GABRR2: variants seen among roughly 807,000 people sequenced by gnomAD.
GABRR2 encodes the protein gamma-aminobutyric acid type A receptor subunit rho2.
In GABRR2, 36 loss-of-function variants were observed where a neutral mutation model predicts 47.0. The observed-to-expected ratio is 0.77, with a 90% CI of 0.59 to 1.01. The LOEUF is 1.01. Ranked by LOEUF, GABRR2 falls within the 50% of genes least tolerant of loss-of-function variation. GABRR2 has a pLI of 0.00. For synonymous variants in GABRR2, 204 were observed against 227.5 expected (o/e 0.90, Z 0.93); for missense variants, 587 against 594.6 (o/e 0.99, Z 0.13).
In GABRR2 at chr6:89,267,792, A is replaced by G. The variant is rs771219493; in HGVS notation, c.623T>C (p.Leu208Pro). The G allele has an allele frequency of 2.5e-6, 4 of 1,613,780 alleles. No homozygotes were observed. In the Admixed American group the frequency reaches 6.7e-5, roughly 27 times the overall value. ...SYAYTDEDLM[L>P]YWKNGDESLK... ...GGATTCATCCCCATTCTTCCAGTAC[A>G]GCATTAGATCTTCATCTGTATAGGC... Residue 208 changes from leucine (L) to proline (P), a missense_variant, in exon 6 of 9, where the codon CTG becomes CCG. Leu to Pro is a moderately conservative substitution (Grantham distance 98). Transcript: ENST00000402938.
At chr6:89,313,814 G>A (rs1287695088) in intron 1 of GABRR2, among the ~76,000 whole-genome samples, 1 of 152,194 alleles carries the variant, frequency 6.6e-6, no homozygotes, top group Non-Finnish European at 1.5e-5. Context: ...CTACTCGGGA[G>A]GCTGAGGCAG....
At chr6:89,304,597 G>GAAAAAAAAAA (rs1227062781) in intron 1 of GABRR2, among the ~76,000 whole-genome samples, 2 of 94,662 alleles carry the variant, frequency 2.1e-5, no homozygotes, top group Admixed American at 1.1e-4. Flanking sequence ...TCAAAAAAAA[G>GAAAAAAAAAA]AAAAAAAAAA....
At chr6:89,294,775 T>A (rs1001871915) in intron 2 of GABRR2, among the ~76,000 whole-genome samples, 22 of 146,690 alleles carry the variant, frequency 1.5e-4, no homozygotes, top group Admixed American at 7.4e-4. Context: ...TATCTCCTAA[T>A]GCTATCCCTC....
chr6:89,286,653 T>C (rs566999038), intron 2 of GABRR2, among the ~76,000 whole-genome samples: 130 of 151,600 alleles, frequency 8.6e-4, no homozygotes, highest in African/African-American at 3.0e-3. Context: ...TTCAGGAGCA[T>C]GGTGACCTCG....
chr6:89,269,621 C>T (rs918240057), intron 3 of GABRR2, among the ~76,000 whole-genome samples: 9 of 152,238 alleles, frequency 5.9e-5, no homozygotes, highest in Non-Finnish European at 1.3e-4. Context: ...GTGGCCACTT[C>T]CAGAAACCTG....
intron 1 of GABRR2, among the ~76,000 whole-genome samples, chr6:89,307,192 G>C (rs768845410): frequency 5.9e-5 from 9 of 152,084 alleles, no homozygotes; most frequent in Non-Finnish European, 1.3e-4. Context: ...ATCTCAAGTG[G>C]CTTTTAAAAA....
At chr6:89,277,991 CA>C (rs1185065054) in intron 2 of GABRR2, among the ~76,000 whole-genome samples, 1 of 152,102 alleles carries the variant, frequency 6.6e-6, no homozygotes, top group African/African-American at 2.4e-5. Context: ...GAATGTGCAC[CA>C]GAAGACATAC....
In GABRR2 at chr6:89,280,669, G is replaced by A. The variant is rs551730029; in HGVS notation, c.221-8947C>T. Among the ~76,000 whole-genome samples the A allele has an allele frequency of 8.5e-4, 130 of 152,274 alleles. 1 individual carries two copies. Among genetic ancestry groups the A allele is most frequent in the Non-Finnish European group, 3.4e-4 (23 of 68,018 alleles). ...TTTGCTCAGCTCCAGCAGAGTGGGCGGAAATAGAGCATTCCAACCTGTGCC... is the reference window on the plus strand; with the variant it reads ...TTTGCTCAGCTCCAGCAGAGTGGGCAGAAATAGAGCATTCCAACCTGTGCC... On this transcript the variant is annotated intron_variant, in intron 2 of 8. Transcript: ENST00000402938.
At chr6:89,261,007 CACAG>C (rs1284349847) in intron 8 of GABRR2, among the ~76,000 whole-genome samples, 3 of 152,206 alleles carry the variant, frequency 2.0e-5, no homozygotes, top group South Asian at 2.1e-4. Context: ...TCTGTTCTCA[CACAG>C]ACAGAGGGGG....
chr6:89,299,868 G>A lies in GABRR2; in HGVS notation c.114-3C>T. The A allele has an allele frequency of 1.3e-6, 2 of 1,584,862 alleles. No homozygotes were observed. The highest frequency in any genetic ancestry group is 1.7e-6 in the Non-Finnish European group (2 of 1,153,338). Reference sequence around the variant, plus strand: ...CAAGGTTCTTCTTATATAAGTGACTGTGAAGACAAGCAAGAAACTATTTTC... The same window carrying A: ...CAAGGTTCTTCTTATATAAGTGACTATGAAGACAAGCAAGAAACTATTTTC... On this transcript the variant is annotated splice_polypyrimidine_tract_variant and splice_region_variant and intron_variant, in intron 1 of 8. Coordinates refer to ENST00000402938, the MANE Select transcript of GABRR2 (RefSeq NM_002043.5).
chr6:89,267,603 C>CT (rs58233945), intron 6 of GABRR2, 76 bp downstream of exon 6: 1,204,843 of 1,360,610 alleles, frequency 0.89, 535,361 homozygotes, highest in African/African-American at 0.98. Context: ...ACATATTTTC[C>CT]TGGGGTTAAG....
intron 2 of GABRR2, among the ~76,000 whole-genome samples, chr6:89,282,037 C>T (rs149892156): frequency 6.6e-5 from 10 of 152,308 alleles, no homozygotes; most frequent in African/African-American, 2.2e-4. Flanking sequence ...GTCCAGCCAC[C>T]TCCCTCCATC....
chr6:89,288,410 T>G (rs1774369930), intron 2 of GABRR2, among the ~76,000 whole-genome samples: 1 of 152,040 alleles, frequency 6.6e-6, no homozygotes, highest in Non-Finnish European at 1.5e-5. Flanking sequence ...TTTGGGGTCT[T>G]CAGCCCAGGC....
At chr6:89,311,287 A>G (rs1767677922) in intron 1 of GABRR2, among the ~76,000 whole-genome samples, 1 of 152,216 alleles carries the variant, frequency 6.6e-6, no homozygotes, top group Admixed American at 6.5e-5. Context: ...CCTCCTGGTC[A>G]GCACAGTTTT....
chr6:89,285,359 T>C lies in GABRR2; in HGVS notation c.221-13637A>G, dbSNP rs143366107. Among the ~76,000 whole-genome samples the C allele has an allele frequency of 4.1e-4, 63 of 152,370 alleles. No homozygotes were observed. In the East Asian group the frequency reaches 7.5e-3, roughly 18 times the overall value. On this transcript the variant is annotated intron_variant, in intron 2 of 8. Coordinates refer to ENST00000402938, the MANE Select transcript of GABRR2 (RefSeq NM_002043.5). ...TTGAGTTAATTTGAACTGTTGGCAA[T>C]GACTCTTTTTCCCTTGGTGGGGGTA... is the stretch of plus-strand genomic sequence containing the variant.
chr6:89,315,017 AGGGTAACC>A (rs750476427), intron 1 of GABRR2, 28 bp downstream of exon 1: 2 of 1,584,370 alleles, frequency 1.3e-6, no homozygotes, highest in Non-Finnish European at 1.7e-6. Context: ...GCTACTATGC[AGGGTAACC>A]TCCCTCCTTT....
At chr6:89,263,164 C>G (rs1302765423) in intron 8 of GABRR2, among the ~76,000 whole-genome samples, 1 of 152,196 alleles carries the variant, frequency 6.6e-6, no homozygotes, top group South Asian at 2.1e-4. Flanking sequence ...TCCTCCTCAG[C>G]CTACTCAGAG....
chr6:89,296,969 AG>A (rs1774565421), intron 2 of GABRR2, among the ~76,000 whole-genome samples: 1 of 152,210 alleles, frequency 6.6e-6, no homozygotes, highest in Admixed American at 6.5e-5. Flanking sequence ...TACATACTGA[AG>A]GTACTGACCA....
At chr6:89,259,913 T>G (rs1360623701) in intron 8 of GABRR2, among the ~76,000 whole-genome samples, 2 of 151,508 alleles carry the variant, frequency 1.3e-5, no homozygotes, top group African/African-American at 4.9e-5. Flanking sequence ...TTTTTGTTTT[T>G]TTTGTTTTTT....
Sources: gnomAD v4.1 joint callset for allele counts (sites outside exome capture counted in the v4.1 genomes callset) on GRCh38, gnomAD v4.1.1 for gene constraint, MANE v1.5 for transcripts, NCBI Gene and HGNC (gene_info 2026-07-23, HGNC 2026-07-21) for gene names.